CYRIB: variants seen among roughly 807,000 people sequenced by gnomAD.
The protein encoded by CYRIB is CYFIP-related Rac1 interactor B.
A neutral mutation model predicts 44.2 loss-of-function variants in CYRIB; 8 were observed. The ratio of observed to expected loss-of-function variants is 0.18; its 90% CI spans 0.11 to 0.33. The LOEUF (loss-of-function observed/expected upper bound fraction) is 0.33, where lower values mean the gene tolerates loss of function less well. CYRIB is among the 10% of genes least tolerant of loss of function. CYRIB has a pLI of 1.00. For missense variants in CYRIB, 185 were observed against 382.8 expected, an observed-to-expected ratio of 0.48 and a Z score of 4.31; for synonymous variants, 131 against 127.2, an observed-to-expected ratio of 1.03 and a Z score of -0.20.
At chr8:129,842,847 A>G (rs151169161) in intron 11 of CYRIB, among the ~76,000 whole-genome samples, 2 of 152,338 alleles carry the variant, frequency 1.3e-5, no homozygotes, top group South Asian at 2.1e-4. Context: ...TCTTTACAGA[A>G]AAGTGTTTCA....
chr8:129,929,389 G>A (rs1248422280), intron 1 of CYRIB, among the ~76,000 whole-genome samples: 2 of 152,054 alleles, frequency 1.3e-5, no homozygotes, highest in Admixed American at 6.6e-5. Flanking sequence ...AGATGAATAC[G>A]ATTTCAAGGG....
At chr8:129,855,692 G>A in exon 6 of CYRIB, 2 of 1,613,796 alleles carry the variant, frequency 1.2e-6, no homozygotes, top group Non-Finnish European at 1.7e-6. Flanking sequence ...CTAGATGCTG[G>A]GTGGGAGAAT....
intron 1 of CYRIB, among the ~76,000 whole-genome samples, chr8:130,007,918 G>A (rs947352504): frequency 1.7e-4 from 26 of 148,950 alleles, no homozygotes; most frequent in African/African-American, 5.9e-4. Flanking sequence ...CTGTTAAGAG[G>A]GGCTTCCAGG....
intron 1 of CYRIB, among the ~76,000 whole-genome samples, chr8:129,908,717 A>C (rs895768508): frequency 3.3e-5 from 5 of 152,118 alleles, no homozygotes; most frequent in Non-Finnish European, 5.9e-5. Flanking sequence ...GAACTCAAAC[A>C]CCTGAGGATT....
At chr8:129,846,969 G>A (rs2040422451) in intron 10 of CYRIB, 95 bp from the exon 13 acceptor site, 1 of 660,404 alleles carries the variant, frequency 1.5e-6, no homozygotes, top group South Asian at 2.1e-5. Context: ...CATAACTATG[G>A]AACTCAAGAG....
Position 129,923,424 on chromosome 8 carries a change from G to A in CYRIB, c.-50+16184C>T, listed in dbSNP as rs745710612. ...CAAGTAGCTGGGATTACAGGCGCTC[G>A]CCACCACACCCAGCTAATTTTTGTA... On this transcript the variant is annotated intron_variant, in intron 1 of 11. Coordinates refer to ENST00000519824, the Ensembl canonical transcript of CYRIB. Among the ~76,000 whole-genome samples, 6 of 151,690 alleles carry A rather than the reference G, an allele frequency of 4.0e-5. No homozygotes were observed. The East Asian group carries it at 1.2e-3, about 30-fold the overall frequency.
intron 2 of CYRIB, among the ~76,000 whole-genome samples, chr8:129,945,590 C>T (rs138401816): frequency 7.0e-4 from 106 of 152,096 alleles, no homozygotes; most frequent in African/African-American, 2.3e-3. Context: ...CTATTTGAGA[C>T]AGAGTCTTGC....
intron 2 of CYRIB, among the ~76,000 whole-genome samples, chr8:129,902,501 T>C (rs1277941219): frequency 3.3e-5 from 5 of 152,150 alleles, no homozygotes; most frequent in Non-Finnish European, 7.4e-5. Flanking sequence ...ATGACAGGCA[T>C]GAGCCACTGC....
At position 129,868,411 on chromosome 8, in the gene CYRIB, T is replaced by C. The variant is rs140294635; in HGVS notation, c.195+2964A>G. ...TAACAATGGTACCTTTATAAGTTGTTTCAAGCCTGGTAAGATGAATTACTT... is the reference window on the plus strand; with the variant it reads ...TAACAATGGTACCTTTATAAGTTGTCTCAAGCCTGGTAAGATGAATTACTT... On this transcript the variant is annotated intron_variant, in intron 4 of 11. Coordinates refer to ENST00000519824, the Ensembl canonical transcript of CYRIB. Among the ~76,000 whole-genome samples the C allele has an allele frequency of 4.6e-4, 70 of 152,360 alleles. No individual in the cohort carries two copies. In the South Asian group the frequency reaches 0.01, roughly 22 times the overall value.
intron 7 of CYRIB, among the ~76,000 whole-genome samples, chr8:129,853,380 C>A (rs570394471): frequency 6.6e-6 from 1 of 152,316 alleles, no homozygotes; most frequent in South Asian, 2.1e-4. Context: ...AAAGAGGAAT[C>A]TTTTCCTCCA....
chr8:129,895,203 G>A (rs957584321), intron 2 of CYRIB, among the ~76,000 whole-genome samples: 7 of 151,190 alleles, frequency 4.6e-5, no homozygotes, highest in Admixed American at 1.3e-4. Context: ...GGATCTCATC[G>A]TGTTGCCCAG....
At chr8:129,862,196 AG>A (rs1473282033) in intron 5 of CYRIB, 32 bp downstream of exon 7, 1 of 1,413,216 alleles carries the variant, frequency 7.1e-7, no homozygotes, top group South Asian at 1.2e-5. Context: ...CTTTTTCACT[AG>A]GGAAGTCACA....
At chr8:129,995,934 G>A (rs1250906808) in intron 1 of CYRIB, among the ~76,000 whole-genome samples, 3 of 152,214 alleles carry the variant, frequency 2.0e-5, no homozygotes, top group African/African-American at 7.2e-5. Flanking sequence ...CACAGAGGCT[G>A]ACCCCAACAC....
chr8:130,002,156 G>C (rs1051947002), intron 1 of CYRIB, among the ~76,000 whole-genome samples: 8 of 152,126 alleles, frequency 5.3e-5, no homozygotes, highest in Admixed American at 2.6e-4. Flanking sequence ...AGTATTTTAG[G>C]TTTCTTAGAG....
intron 1 of CYRIB, among the ~76,000 whole-genome samples, chr8:129,997,475 C>G (rs529290569): frequency 1.8e-4 from 27 of 152,284 alleles, no homozygotes; most frequent in South Asian, 8.3e-4. Context: ...CTAATAAAAT[C>G]ACGGGAAAAT....
At chr8:129,956,753 C>A (rs1408077439) in intron 2 of CYRIB, among the ~76,000 whole-genome samples, 1 of 152,056 alleles carries the variant, frequency 6.6e-6, no homozygotes, top group East Asian at 1.9e-4. Context: ...TAAGCCTATT[C>A]TTTTTTCTTT....
chr8:130,000,949 A>G (rs1425568962), intron 1 of CYRIB, among the ~76,000 whole-genome samples: 2 of 152,196 alleles, frequency 1.3e-5, no homozygotes, highest in African/African-American at 4.8e-5. Context: ...ATTAACTCAT[A>G]TACTCATTCA....
intron 10 of CYRIB, 142 bp from the exon 13 acceptor site, chr8:129,847,016 GA>G: frequency 5.6e-6 from 3 of 532,592 alleles, no homozygotes; most frequent in Non-Finnish European, 6.4e-6. Flanking sequence ...TCTTAGAACA[GA>G]AAAAAACCCA....
intron 1 of CYRIB, among the ~76,000 whole-genome samples, chr8:129,994,206 G>A (rs867131726): frequency 1.7e-4 from 26 of 152,154 alleles, no homozygotes; most frequent in African/African-American, 5.8e-4. Context: ...ACGTGAACAC[G>A]AGCAGACGGT....
Sources: allele counts gnomAD v4.1 joint callset (sites outside exome capture counted in the v4.1 genomes callset), GRCh38; gene constraint gnomAD v4.1.1; transcripts MANE v1.5; gene names NCBI Gene and HGNC (gene_info 2026-07-23, HGNC 2026-07-21).